The following ASNS variants were observed in gnomAD, a reference collection of about 807,000 sequenced individuals.
The protein encoded by ASNS is asparagine synthetase [glutamine-hydrolyzing].
In ASNS, 37 loss-of-function variants were observed where a neutral mutation model predicts 62.6. The ratio of observed to expected loss-of-function variants is 0.59; its 90% CI spans 0.45 to 0.78. The LOEUF (loss-of-function observed/expected upper bound fraction) is 0.78. Ranked by LOEUF, ASNS falls within the 30% of genes least tolerant of loss-of-function variation. The probability of loss-of-function intolerance (pLI) is 0.00; values close to 1 mark genes in which losing one functional copy is unlikely to be tolerated. For missense variants in ASNS, 520 were observed against 682.4 expected, an observed-to-expected ratio of 0.76 and a Z score of 2.65; for synonymous variants, 207 against 237.9, an observed-to-expected ratio of 0.87 and a Z score of 1.19.
At chr7:97,907,195 T>G in the ASNS span, among the ~76,000 whole-genome samples, 8 of 152,232 alleles carry the variant, frequency 5.3e-5, no homozygotes, top group Non-Finnish European at 1.0e-4. Context: ...AAATGTTACC[T>G]CTTAACTAAG....
chr7:97,909,513 C>T, the ASNS span, among the ~76,000 whole-genome samples: 7 of 40,590 alleles, frequency 1.7e-4, no homozygotes, highest in South Asian at 1.8e-3. Context: ...TTCATCATGT[C>T]GTGCAGGCTT....
the ASNS span, among the ~76,000 whole-genome samples, chr7:97,918,617 CAATA>C: frequency 1.1e-4 from 17 of 152,228 alleles, no homozygotes; most frequent in South Asian, 3.5e-3. Context: ...AAAAAGGTTA[CAATA>C]AACACATATG....
the ASNS span, among the ~76,000 whole-genome samples, chr7:97,907,149 G>A: frequency 1.9e-3 from 295 of 152,230 alleles, 2 homozygotes; most frequent in Admixed American, 3.0e-3. Flanking sequence ...CCATTACTGC[G>A]TGGCCAAATC....
At chr7:97,855,322 C>T in intron 9 of ASNS, 31 bp downstream of exon 9, 3 of 1,419,156 alleles carry the variant, frequency 2.1e-6, no homozygotes, top group Non-Finnish European at 3.0e-6. Context: ...CTTAATATAG[C>T]ATGAATATCC....
At position 97,868,993 on chromosome 7, in the gene ASNS, G is replaced by A. The variant is rs780414978; in HGVS notation, c.164C>T (p.Pro55Leu). The A allele has an allele frequency of 2.7e-5, 44 of 1,614,056 alleles. No individual in the cohort carries two copies. The highest frequency in any genetic ancestry group is 2.5e-4 in the South Asian group (23 of 91,086). Residue 55 changes from proline to leucine, a missense_variant, in exon 3 of 13, where the codon CCG (proline) becomes CTG (leucine). By Grantham distance (98) the Pro-to-Leu change is moderately conservative. Coordinates refer to ENST00000394308, the MANE Select transcript of ASNS (RefSeq NM_001673.5). ...TCGAATTGGCTGCATTCCAAACAGC[G>A]GGTCAACTACCGCCAACCGGTGAAA... The part of the protein sequence containing the change: ...FGFHRLAVVD[P>L]LFGMQPIRVK...
At chr7:97,916,053 C>T in the ASNS span, among the ~76,000 whole-genome samples, 1 of 152,142 alleles carries the variant, frequency 6.6e-6, no homozygotes, top group African/African-American at 2.4e-5. Flanking sequence ...AGGACAGAGT[C>T]CTAGATGCTT....
At chr7:97,872,184 C>T (rs1010400359) in intron 1 of ASNS, 167 bp downstream of exon 1, 15 of 152,414 alleles carry the variant, frequency 9.8e-5, no homozygotes, top group African/African-American at 3.6e-4. Context: ...TCCGCCCCGC[C>T]CTCCCTACCG....
chr7:97,853,491 G>A (rs1791286348), intron 10 of ASNS, 105 bp from the exon 11 acceptor site: 2 of 954,052 alleles, frequency 2.1e-6, no homozygotes, highest in African/African-American at 1.6e-5. Context: ...CTTAAGAAAT[G>A]TTAAGGTCAT....
chr7:97,911,487 A>G, the ASNS span, among the ~76,000 whole-genome samples: 120,515 of 143,750 alleles, frequency 0.84, 50,860 homozygotes, highest in East Asian at 0.91. Flanking sequence ...ACAAAAAATA[A>G]ACAAATTAGT....
intron 7 of ASNS, among the ~76,000 whole-genome samples, chr7:97,857,862 G>A (rs2237288): frequency 0.32 from 48,796 of 151,640 alleles, 7,969 homozygotes; most frequent in East Asian, 0.46. Flanking sequence ...ACAGGCATGC[G>A]TCACCAAGCC....
the ASNS span, among the ~76,000 whole-genome samples, chr7:97,923,675 C>G: frequency 1.3e-5 from 2 of 152,218 alleles, no homozygotes; most frequent in African/African-American, 4.8e-5. Context: ...CCCATCTGTC[C>G]TGGCACACGT....
At chr7:97,853,590 T>C (rs952560055) in intron 10 of ASNS, among the ~76,000 whole-genome samples, 3 of 152,194 alleles carry the variant, frequency 2.0e-5, no homozygotes, top group Non-Finnish European at 2.9e-5. Context: ...ACATATATCA[T>C]GTCATCTAGG....
the ASNS span, among the ~76,000 whole-genome samples, chr7:97,907,939 T>G: frequency 6.6e-6 from 1 of 152,052 alleles, no homozygotes; most frequent in Non-Finnish European, 1.5e-5. Context: ...TTTTGAGCTC[T>G]TTAAAAAAAA....
At chr7:97,927,915 C>A in the ASNS span, among the ~76,000 whole-genome samples, 1 of 152,262 alleles carries the variant, frequency 6.6e-6, no homozygotes, top group Admixed American at 6.5e-5. Context: ...TCTGATGCAG[C>A]CCACGGCGAG....
the ASNS span, among the ~76,000 whole-genome samples, chr7:97,889,569 C>T: frequency 1.1e-3 from 170 of 152,032 alleles, 2 homozygotes; most frequent in African/African-American, 3.9e-3. Context: ...CTCACAGGCA[C>T]CACTCATGCC....
At chr7:97,855,053 C>A in intron 9 of ASNS, 1 of 371,850 alleles carries the variant, frequency 2.7e-6, no homozygotes, top group Non-Finnish European at 4.9e-6. Context: ...TCACAGCTCA[C>A]TGCAGCCTCA....
At chr7:97,899,996 A>G in the ASNS span, among the ~76,000 whole-genome samples, 1 of 152,272 alleles carries the variant, frequency 6.6e-6, no homozygotes, top group African/African-American at 2.4e-5. Context: ...GAAATTCATC[A>G]TCAGGGAAAC....
the ASNS span, among the ~76,000 whole-genome samples, chr7:97,899,401 G>A: frequency 6.6e-6 from 1 of 152,198 alleles, no homozygotes; most frequent in Non-Finnish European, 1.5e-5. Flanking sequence ...GGGATTTCAG[G>A]TGTAAGCCAC....
the ASNS span, among the ~76,000 whole-genome samples, chr7:97,900,001 G>A: frequency 6.6e-6 from 1 of 152,096 alleles, no homozygotes; most frequent in East Asian, 1.9e-4. Context: ...TCATCATCAG[G>A]GAAACAGAAA....
Sources: gnomAD v4.1 joint callset for allele counts (sites outside exome capture counted in the v4.1 genomes callset) on GRCh38, gnomAD v4.1.1 for gene constraint, MANE v1.5 for transcripts, NCBI Gene and HGNC (gene_info 2026-07-23, HGNC 2026-07-21) for gene names.